Variants in PCDHGA4 observed in about 807,000 individuals in gnomAD.
PCDHGA4 encodes the protein protocadherin gamma subfamily A, 4, also known as protocadherin gamma-A4.
A neutral mutation model predicts 54.6 loss-of-function variants in PCDHGA4; 38 were observed. The ratio of observed to expected loss-of-function variants is 0.70; its 90% CI spans 0.54 to 0.91. The LOEUF (loss-of-function observed/expected upper bound fraction) is 0.91, where lower values mean the gene tolerates loss of function less well. Ranked by LOEUF, PCDHGA4 falls within the 40% of genes least tolerant of loss-of-function variation. The probability of loss-of-function intolerance (pLI) is 0.00; values close to 1 mark genes in which losing one functional copy is unlikely to be tolerated. For missense variants in PCDHGA4, 1,298 were observed against 1,220.9 expected (o/e 1.06, Z -0.94); for synonymous variants, 511 against 512.9 (o/e 1.00, Z 0.05).
intron 1 of PCDHGA4, chr5:141,362,328 C>A: frequency 6.2e-7 from 1 of 1,614,068 alleles, no homozygotes; most frequent in Non-Finnish European, 8.5e-7. Context: ...AGCCTGGTCT[C>A]AGCTCCAAGC....
chr5:141,450,903 C>T (rs1468232105), intron 1 of PCDHGA4, among the ~76,000 whole-genome samples: 3 of 151,086 alleles, frequency 2.0e-5, no homozygotes, highest in African/African-American at 7.3e-5. Context: ...CGGCTCACTG[C>T]AACCGCTGCC....
intron 1 of PCDHGA4, among the ~76,000 whole-genome samples, chr5:141,369,915 A>G (rs1429162797): frequency 6.6e-6 from 1 of 152,226 alleles, no homozygotes; most frequent in African/African-American, 2.4e-5. Flanking sequence ...TGAAAATGGA[A>G]ACTAAAAACG....
chr5:141,384,784 G>T, intron 1 of PCDHGA4: 1 of 1,613,618 alleles, frequency 6.2e-7, no homozygotes, highest in Non-Finnish European at 8.5e-7. Flanking sequence ...GGTGCGCACG[G>T]CTCGGGCCCT....
chr5:141,480,145 C>A (rs1331658762), intron 1 of PCDHGA4, among the ~76,000 whole-genome samples: 1 of 151,968 alleles, frequency 6.6e-6, no homozygotes, highest in Non-Finnish European at 1.5e-5. Context: ...CAATTATTAG[C>A]CAGCTCCTAG....
chr5:141,372,239 G>A lies in PCDHGA4; in HGVS notation c.2514+14618G>A, dbSNP rs771921907. The A allele has an allele frequency of 2.5e-6, 4 of 1,613,314 alleles. No homozygotes were observed. The Admixed American group carries it at 6.7e-5, about 27-fold the overall frequency. ...ACATTGTGCAGGCCAGCGAGCCCGGGCTGTTCAGCCTGGGCCTGCGCACGG... is the reference window on the plus strand; with the variant it reads ...ACATTGTGCAGGCCAGCGAGCCCGGACTGTTCAGCCTGGGCCTGCGCACGG... On this transcript the variant is annotated intron_variant, in intron 1 of 3. Coordinates refer to ENST00000571252, the MANE Select transcript of PCDHGA4 (RefSeq NM_018917.4).
intron 1 of PCDHGA4, chr5:141,400,414 C>G: frequency 6.2e-7 from 1 of 1,614,058 alleles, no homozygotes; most frequent in African/African-American, 1.3e-5. Flanking sequence ...GTTTAATTTC[C>G]TAAAATGTAG....
intron 1 of PCDHGA4, among the ~76,000 whole-genome samples, chr5:141,468,198 G>A (rs992118435): frequency 9.2e-5 from 14 of 151,854 alleles, no homozygotes; most frequent in Admixed American, 7.2e-4. Context: ...GGTGGCGGGT[G>A]CCTGTAATTC....
chr5:141,479,035 C>A (rs2099486361), intron 1 of PCDHGA4, among the ~76,000 whole-genome samples: 1 of 152,104 alleles, frequency 6.6e-6, no homozygotes, highest in Non-Finnish European at 1.5e-5. Context: ...TTATACAGAT[C>A]GTGTACCTCA....
At chr5:141,412,139 T>C (rs1380576842) in intron 1 of PCDHGA4, 1 of 152,250 alleles carries the variant, frequency 6.6e-6, no homozygotes, top group Non-Finnish European at 1.5e-5. Flanking sequence ...TGGCCTCTGA[T>C]ACAAACTGCC....
In PCDHGA4 at chr5:141,410,139, T is replaced by C. The variant is rs73279096; in HGVS notation, c.2514+52518T>C. ...GCCCGCCAGCGCCTGCTGGTCGCTG[T>C]GCGTGACGGTGGACAGCCGCCACTC... On this transcript the variant is annotated intron_variant, in intron 1 of 3. Coordinates refer to ENST00000571252, the MANE Select transcript of PCDHGA4 (RefSeq NM_018917.4). The C allele has an allele frequency of 1.6e-4, 252 of 1,612,722 alleles. No individual in the cohort carries two copies. In the African/African-American group the frequency reaches 3.0e-3, roughly 19 times the overall value.
At chr5:141,422,219 C>T in intron 1 of PCDHGA4, 1 of 1,564,678 alleles carries the variant, frequency 6.4e-7, no homozygotes, top group Non-Finnish European at 8.6e-7. Context: ...CTCTTTACCA[C>T]CACGACGATG....
chr5:141,395,077 A>G (rs2093162583), intron 1 of PCDHGA4: 3 of 1,614,024 alleles, frequency 1.9e-6, no homozygotes, highest in Non-Finnish European at 2.5e-6. Flanking sequence ...ACCTATTCCC[A>G]GGAAGTCTCC....
intron 1 of PCDHGA4, chr5:141,419,490 C>G (rs2096390495): frequency 8.1e-6 from 13 of 1,612,414 alleles, no homozygotes; most frequent in Non-Finnish European, 1.1e-5. Context: ...GCGCTCAGCG[C>G]CAATGTGAGC....
intron 1 of PCDHGA4, chr5:141,389,942 G>T: frequency 1.2e-6 from 2 of 1,614,070 alleles, no homozygotes; most frequent in African/African-American, 2.7e-5. Flanking sequence ...AGGCTGAGCT[G>T]CAGTTTTACC....
At chr5:141,427,982 G>A in intron 1 of PCDHGA4, 1 of 1,596,754 alleles carries the variant, frequency 6.3e-7, no homozygotes, top group Non-Finnish European at 8.6e-7. Flanking sequence ...CCGCGCTGGG[G>A]CCCGATGGCT....
intron 2 of PCDHGA4, 166 bp from the exon 3 acceptor site, chr5:141,505,227 T>C: frequency 1.2e-6 from 1 of 840,112 alleles, no homozygotes; most frequent in Non-Finnish European, 1.4e-6. Context: ...TGTGGGATTC[T>C]GGCTTCTGAA....
At chr5:141,438,633 TATAC>T (rs1373299550) in intron 1 of PCDHGA4, among the ~76,000 whole-genome samples, 3,683 of 33,472 alleles carry the variant, frequency 0.11, 56 homozygotes, top group Non-Finnish European at 0.14. Flanking sequence ...TATATATATA[TATAC>T]ACACACACAC....
intron 1 of PCDHGA4, among the ~76,000 whole-genome samples, chr5:141,453,049 G>C (rs1287375098): frequency 1.3e-5 from 2 of 152,222 alleles, no homozygotes; most frequent in East Asian, 3.9e-4. Context: ...TCTATTATGT[G>C]CAGTTTTAGA....
At chr5:141,446,447 A>G (rs2098502204) in intron 1 of PCDHGA4, among the ~76,000 whole-genome samples, 1 of 151,946 alleles carries the variant, frequency 6.6e-6, no homozygotes, top group Non-Finnish European at 1.5e-5. Context: ...AACAGTGCAG[A>G]TATTCAGTGT....
Sources: allele counts gnomAD v4.1 joint callset (sites outside exome capture counted in the v4.1 genomes callset), GRCh38; gene constraint gnomAD v4.1.1; transcripts MANE v1.5; gene names NCBI Gene and HGNC (gene_info 2026-07-23, HGNC 2026-07-21).